Variants in ADAMTSL1 observed in about 807,000 individuals in gnomAD.
ADAMTSL1 encodes the protein ADAMTS-like protein 1.
Under a neutral mutation model 201.8 loss-of-function variants are expected in ADAMTSL1, and 126 were observed. The ratio of observed to expected loss-of-function variants is 0.62; its 90% CI spans 0.54 to 0.72. ADAMTSL1 has a LOEUF of 0.72. ADAMTSL1 is among the 30% of genes least tolerant of loss of function. The pLI, the probability that ADAMTSL1 is intolerant of heterozygous loss-of-function variation, is 0.00. For synonymous variants in ADAMTSL1, 1,121 were observed against 903.4 expected, an observed-to-expected ratio of 1.24 and a Z score of -4.32; for missense variants, 2,679 against 2,277.8, an observed-to-expected ratio of 1.18 and a Z score of -3.59.
intron 1 of ADAMTSL1, among the ~76,000 whole-genome samples, chr9:18,106,068 A>G: frequency 6.6e-6 from 1 of 152,100 alleles, no homozygotes; most frequent in East Asian, 1.9e-4. Context: ...CGTCCCTGGG[A>G]GCTTCTTGCT....
At chr9:18,736,319 G>A (rs1818499050) in intron 15 of ADAMTSL1, among the ~76,000 whole-genome samples, 1 of 152,164 alleles carries the variant, frequency 6.6e-6, no homozygotes, top group Non-Finnish European at 1.5e-5. Context: ...CAGTTTGGGG[G>A]ACAGGAATGC....
intron 4 of ADAMTSL1, among the ~76,000 whole-genome samples, chr9:18,593,489 T>C (rs1056229125): frequency 2.6e-5 from 4 of 152,110 alleles, no homozygotes; most frequent in African/African-American, 7.2e-5. Context: ...TAAGATGTAC[T>C]GTTAAATTGT....
chr9:18,807,806 T>C (rs1252440666), intron 20 of ADAMTSL1, among the ~76,000 whole-genome samples: 1 of 152,206 alleles, frequency 6.6e-6, no homozygotes, highest in African/African-American at 2.4e-5. Context: ...ATGGCTTTTG[T>C]TATCTTAACA....
chr9:17,971,954 T>C (rs1157703234), intron 1 of ADAMTSL1, among the ~76,000 whole-genome samples: 2 of 151,814 alleles, frequency 1.3e-5, no homozygotes, highest in African/African-American at 4.8e-5. Flanking sequence ...AAAATTTTTA[T>C]TTACTTTTTC....
rs371940256 is a variant in ADAMTSL1 at position 18,016,623 on chromosome 9, C to A, written c.87+109701C>A. Among the ~76,000 whole-genome samples, 49 of 152,096 alleles carry A rather than the reference C, an allele frequency of 3.2e-4. No individual in the cohort carries two copies. In the East Asian group the frequency reaches 4.7e-3, roughly 14 times the overall value. On this transcript the variant is annotated intron_variant, in intron 1 of 29. Transcript: ENST00000680146. Reference sequence around the variant, plus strand: ...TAGTGAATAATTATAAAATGGAATACAAATTATGAGATAAAACTAGTCCAG... The same window carrying A: ...TAGTGAATAATTATAAAATGGAATAAAAATTATGAGATAAAACTAGTCCAG...
chr9:18,043,956 C>A (rs930945756), intron 1 of ADAMTSL1, among the ~76,000 whole-genome samples: 9 of 148,104 alleles, frequency 6.1e-5, no homozygotes, highest in African/African-American at 2.3e-4. Context: ...TTTCTACAAC[C>A]ATGCTATACC....
At chr9:18,223,899 T>A (rs1320229755) in intron 2 of ADAMTSL1, among the ~76,000 whole-genome samples, 1 of 152,124 alleles carries the variant, frequency 6.6e-6, no homozygotes, top group Non-Finnish European at 1.5e-5. Context: ...TCCATAGAGG[T>A]TGTATGTTTT....
chr9:18,733,837 C>G (rs1818358948), intron 15 of ADAMTSL1, among the ~76,000 whole-genome samples: 1 of 152,076 alleles, frequency 6.6e-6, no homozygotes, highest in Non-Finnish European at 1.5e-5. Flanking sequence ...TGACCCTTCT[C>G]TGTCACTTGT....
chr9:18,447,211 A>G (rs1188235884), intron 2 of ADAMTSL1, among the ~76,000 whole-genome samples: 1 of 152,186 alleles, frequency 6.6e-6, no homozygotes, highest in Non-Finnish European at 1.5e-5. Context: ...GTCAGTGTGC[A>G]TGGTAAATAA....
chr9:18,539,263 A>G (rs567587042), intron 3 of ADAMTSL1, among the ~76,000 whole-genome samples: 1 of 152,308 alleles, frequency 6.6e-6, no homozygotes, highest in Non-Finnish European at 1.5e-5. Flanking sequence ...TGCCACCATC[A>G]ATAAAGAGAT....
intron 23 of ADAMTSL1, among the ~76,000 whole-genome samples, chr9:18,856,542 C>A (rs1402737206): frequency 6.9e-6 from 1 of 145,384 alleles, no homozygotes; most frequent in African/African-American, 2.6e-5. Flanking sequence ...CAGCTCACTG[C>A]AACCTCCATC....
chr9:18,450,748 T>C (rs770217209), intron 2 of ADAMTSL1, among the ~76,000 whole-genome samples: 1 of 152,210 alleles, frequency 6.6e-6, no homozygotes, highest in Non-Finnish European at 1.5e-5. Flanking sequence ...AAGTGATTCA[T>C]TATTTGACAA....
At chr9:18,783,907 G>C (rs1588104252) in intron 19 of ADAMTSL1, among the ~76,000 whole-genome samples, 3 of 152,220 alleles carry the variant, frequency 2.0e-5, no homozygotes, top group African/African-American at 7.2e-5. Flanking sequence ...GCTACTGCCA[G>C]AGCATCTTTC....
intron 4 of ADAMTSL1, among the ~76,000 whole-genome samples, chr9:18,599,928 A>G (rs999730106): frequency 8.0e-5 from 12 of 149,568 alleles, no homozygotes; most frequent in Middle Eastern, 3.5e-3. Context: ...CGAGGCGGGC[A>G]GATCAGAAGG....
At chr9:18,828,660 T>TATATATATATATGTA (rs1554643932) in intron 22 of ADAMTSL1, among the ~76,000 whole-genome samples, 3 of 28,532 alleles carry the variant, frequency 1.1e-4, no homozygotes, top group Non-Finnish European at 1.5e-4. Context: ...GAAAGTATAT[T>TATATATATATATGTA]TATATATATA....
At chr9:18,308,517 T>C (rs914123562) in intron 2 of ADAMTSL1, among the ~76,000 whole-genome samples, 10 of 151,872 alleles carry the variant, frequency 6.6e-5, no homozygotes, top group African/African-American at 2.4e-4. Flanking sequence ...TCACCACCGA[T>C]CACACAGAAA....
chr9:18,344,106 ACTTT>A (rs1191142385), intron 2 of ADAMTSL1, among the ~76,000 whole-genome samples: 1 of 152,130 alleles, frequency 6.6e-6, no homozygotes, highest in Non-Finnish European at 1.5e-5. Flanking sequence ...TCCAGGTCTC[ACTTT>A]CTTTGTCATG....
At chr9:18,558,387 A>G (rs1019422921) in intron 3 of ADAMTSL1, among the ~76,000 whole-genome samples, 3 of 152,002 alleles carry the variant, frequency 2.0e-5, no homozygotes, top group African/African-American at 7.3e-5. Flanking sequence ...TATGTGTCAC[A>G]TTTTCTTAAT....
At chr9:18,254,338 C>A (rs1185924732) in intron 2 of ADAMTSL1, among the ~76,000 whole-genome samples, 2 of 94,582 alleles carry the variant, frequency 2.1e-5, no homozygotes, top group East Asian at 3.3e-4. Flanking sequence ...CGTCAATACT[C>A]TTTTTGGTTT....
Sources: gnomAD v4.1 joint callset for allele counts (sites outside exome capture counted in the v4.1 genomes callset) on GRCh38, gnomAD v4.1.1 for gene constraint, MANE v1.5 for transcripts, NCBI Gene and HGNC (gene_info 2026-07-23, HGNC 2026-07-21) for gene names.